RAPGEF4: variants seen among roughly 807,000 people sequenced by gnomAD.
The protein encoded by RAPGEF4 is Rap guanine nucleotide exchange factor 4.
In RAPGEF4, 66 loss-of-function variants were observed where a neutral mutation model predicts 147.9. The ratio of observed to expected loss-of-function variants is 0.45; its 90% CI spans 0.37 to 0.55. The LOEUF (loss-of-function observed/expected upper bound fraction) is 0.55. Among genes scored for constraint, RAPGEF4 ranks in the 20% least tolerant of loss-of-function variants. The pLI is 0.00. For missense variants in RAPGEF4, 1,071 were observed against 1,257.3 expected, an observed-to-expected ratio of 0.85 and a Z score of 2.24; for synonymous variants, 419 against 442.7, an observed-to-expected ratio of 0.95 and a Z score of 0.67.
At chr2:172,846,369 T>C (rs1692192071) in intron 4 of RAPGEF4, among the ~76,000 whole-genome samples, 1 of 152,250 alleles carries the variant, frequency 6.6e-6, no homozygotes. Context: ...CTCCTTTCCC[T>C]GAGCATAAGG....
At chr2:172,880,559 C>A (rs188575885) in intron 4 of RAPGEF4, among the ~76,000 whole-genome samples, 2 of 150,858 alleles carry the variant, frequency 1.3e-5, no homozygotes, top group Non-Finnish European at 2.9e-5. Flanking sequence ...CTTTTGAAAA[C>A]CTGGGCTTTC....
chr2:172,955,882 G>A (rs995361387), intron 6 of RAPGEF4, among the ~76,000 whole-genome samples: 1 of 152,204 alleles, frequency 6.6e-6, no homozygotes, highest in Admixed American at 6.5e-5. Flanking sequence ...GACATCTTCT[G>A]TATGGGTCCT....
intron 1 of RAPGEF4, among the ~76,000 whole-genome samples, chr2:172,777,585 C>T (rs1434455341): frequency 6.6e-6 from 1 of 152,120 alleles, no homozygotes; most frequent in Non-Finnish European, 1.5e-5. Context: ...AGAAGACCCC[C>T]CCCATGCTAA....
At chr2:172,983,686 T>G in intron 11 of RAPGEF4, 106 bp downstream of exon 11, 3 of 1,492,332 alleles carry the variant, frequency 2.0e-6, no homozygotes, top group Non-Finnish European at 1.8e-6. Context: ...TGTCTGATTT[T>G]CACCTCATAA....
intron 3 of RAPGEF4, among the ~76,000 whole-genome samples, chr2:172,809,600 A>C (rs13428282): frequency 0.21 from 31,424 of 152,070 alleles, 3,767 homozygotes; most frequent in Middle Eastern, 0.31. Flanking sequence ...GTGGGATCAT[A>C]GCCTACTGTA....
intron 4 of RAPGEF4, among the ~76,000 whole-genome samples, chr2:172,816,381 G>GC (rs1415072594): frequency 2.0e-5 from 3 of 151,396 alleles, no homozygotes; most frequent in Non-Finnish European, 1.5e-5. Flanking sequence ...TTGTCTGATT[G>GC]TTTTTTTCAT....
intron 6 of RAPGEF4, among the ~76,000 whole-genome samples, chr2:172,952,678 G>T (rs1688325991): frequency 6.6e-6 from 1 of 152,154 alleles, no homozygotes; most frequent in African/African-American, 2.4e-5. Flanking sequence ...CATTCTTACT[G>T]GTAAGAACAG....
chr2:172,991,748 CTTTG>C (rs1692857951), intron 15 of RAPGEF4, among the ~76,000 whole-genome samples: 1 of 152,146 alleles, frequency 6.6e-6, no homozygotes. Flanking sequence ...AGTAATTTTC[CTTTG>C]TTTGCCAAAT....
rs201713781 is a variant in RAPGEF4, at chr2:173,008,785, TA to T, written c.1659-5671del. Reference sequence around the variant, plus strand: ...AATTAAGAATAAGTAAATGAGCAGTTAAAAAAAAGTACAGAAAAATTACAGG... The same window carrying T: ...AATTAAGAATAAGTAAATGAGCAGTTAAAAAAAGTACAGAAAAATTACAGG... On this transcript the variant is annotated intron_variant, in intron 17 of 30. Coordinates refer to ENST00000397081, the MANE Select transcript of RAPGEF4 (RefSeq NM_007023.4). Among the ~76,000 whole-genome samples the T allele has an allele frequency of 4.2e-3, 642 of 152,056 alleles. 1 individual carries two copies. The highest frequency in any genetic ancestry group is 0.013 in the East Asian group (65 of 5,184).
chr2:172,743,782 T>C (rs991607954), intron 1 of RAPGEF4, among the ~76,000 whole-genome samples: 4 of 152,146 alleles, frequency 2.6e-5, no homozygotes, highest in African/African-American at 9.7e-5. Flanking sequence ...CTGGAGTTAC[T>C]ACCCGAGGCC....
At chr2:172,825,514 CT>C (rs1308594095) in intron 4 of RAPGEF4, among the ~76,000 whole-genome samples, 2 of 152,138 alleles carry the variant, frequency 1.3e-5, no homozygotes, top group Non-Finnish European at 2.9e-5. Context: ...GTTTTATTAT[CT>C]CTTTTTTTTA....
chr2:172,776,078 C>T (rs1281368451), intron 1 of RAPGEF4, among the ~76,000 whole-genome samples: 1 of 152,172 alleles, frequency 6.6e-6, no homozygotes, highest in African/African-American at 2.4e-5. Flanking sequence ...TACAGATTTA[C>T]ACTTTGACAT....
rs1696691149 is a variant in RAPGEF4 at position 173,026,644 on chromosome 2, T to G, written c.2326T>G (p.Leu776Val). 1 of 1,613,924 alleles carries G rather than the reference T, an allele frequency of 6.2e-7. No homozygotes were observed. Among genetic ancestry groups the G allele is most frequent in the Non-Finnish European group, 8.5e-7 (1 of 1,179,930 alleles). ...GTFELMSSKDLAYQMTIYDWE... is the reference protein window; with the variant it reads ...GTFELMSSKDVAYQMTIYDWE... ...TTTTGAACTGATGAGCTCCAAAGAT[T>G]TAGCATACCAGATGACAATTTATGA... Residue 776 changes from leucine to valine, a missense_variant, in exon 24 of 31, where the codon TTA becomes GTA. By Grantham distance (32) the Leu-to-Val change is conservative. Transcript: ENST00000397081.
chr2:173,028,126 T>C (rs1696837848), intron 25 of RAPGEF4, among the ~76,000 whole-genome samples: 1 of 152,258 alleles, frequency 6.6e-6, no homozygotes, highest in African/African-American at 2.4e-5. Flanking sequence ...GATATCAGTT[T>C]GCCAGATGCC....
intron 1 of RAPGEF4, among the ~76,000 whole-genome samples, chr2:172,767,379 A>G (rs900062194): frequency 6.6e-6 from 1 of 152,098 alleles, no homozygotes; most frequent in African/African-American, 2.4e-5. Flanking sequence ...GGGTTTCTCC[A>G]TGTTGGTCAG....
chr2:173,012,264 T>C (rs1695099621), intron 17 of RAPGEF4, among the ~76,000 whole-genome samples: 1 of 152,302 alleles, frequency 6.6e-6, no homozygotes, highest in East Asian at 1.9e-4. Flanking sequence ...TCAGGATATT[T>C]GGGACAGCAG....
intron 8 of RAPGEF4, among the ~76,000 whole-genome samples, chr2:172,961,518 C>G (rs1396026116): frequency 6.6e-6 from 1 of 152,162 alleles, no homozygotes; most frequent in Non-Finnish European, 1.5e-5. Flanking sequence ...AGGAAGCCTA[C>G]TAGATTTAGA....
intron 4 of RAPGEF4, among the ~76,000 whole-genome samples, chr2:172,916,624 G>T (rs1684101892): frequency 2.0e-5 from 3 of 152,190 alleles, no homozygotes; most frequent in Admixed American, 2.0e-4. Context: ...GGAAATCATG[G>T]TTTTAATGTT....
chr2:172,738,278 T>A (rs1693995538), intron 1 of RAPGEF4, among the ~76,000 whole-genome samples: 1 of 152,198 alleles, frequency 6.6e-6, no homozygotes, highest in South Asian at 2.1e-4. Flanking sequence ...AAATGCTATC[T>A]TGATCTTCTT....
Sources: allele counts gnomAD v4.1 joint callset (sites outside exome capture counted in the v4.1 genomes callset), GRCh38; gene constraint gnomAD v4.1.1; transcripts MANE v1.5; gene names NCBI Gene and HGNC (gene_info 2026-07-23, HGNC 2026-07-21).